Variants in ART3 observed in about 807,000 individuals in gnomAD.
The protein encoded by ART3 is ecto-ADP-ribosyltransferase 3.
Under a neutral mutation model 48.5 loss-of-function variants are expected in ART3, and 49 were observed. The observed-to-expected ratio is 1.01, with a 90% CI of 0.80 to 1.28. The LOEUF is 1.28. Among genes scored for constraint, ART3 ranks in the 50% most tolerant of loss-of-function variants. The pLI is 0.00. For synonymous variants in ART3, 145 were observed against 157.2 expected, an observed-to-expected ratio of 0.92 and a Z score of 0.58; for missense variants, 438 against 454.3, an observed-to-expected ratio of 0.96 and a Z score of 0.33.
At chr4:76,059,611 G>GAAAATT (rs1719012576) in intron 1 of ART3, among the ~76,000 whole-genome samples, 1 of 151,916 alleles carries the variant, frequency 6.6e-6, no homozygotes, top group South Asian at 2.1e-4. Context: ...CTCCTTGTAG[G>GAAAATT]TAGCTTAAAG....
rs118186536 is a variant in ART3 at position 76,049,733 on chromosome 4, C to T, written c.-9-26148C>T. Among the ~76,000 whole-genome samples the T allele has an allele frequency of 1.1e-3, 167 of 151,916 alleles. 3 individuals are homozygous for T. The East Asian group carries it at 0.02, about 19-fold the overall frequency. ...GATAGGCGATTGTCTCACCGCTCGG[C>T]GATAGGCGATGGTCTTACCGCTCGG... On this transcript the variant is annotated intron_variant, in intron 1 of 9. Coordinates refer to the ART3 transcript ENST00000341029.
intron 1 of ART3, chr4:76,058,748 A>G (rs893683615): frequency 1.3e-5 from 2 of 151,984 alleles, no homozygotes; most frequent in African/African-American, 2.4e-5. Flanking sequence ...TTTTCTGTGC[A>G]TTGAATTAAA....
At chr4:76,017,113 C>T (rs1244409729) in intron 1 of ART3, among the ~76,000 whole-genome samples, 1 of 152,150 alleles carries the variant, frequency 6.6e-6, no homozygotes, top group Non-Finnish European at 1.5e-5. Context: ...GTCTCCTTTA[C>T]TTTTCCTTCT....
intron 2 of ART3, 115 bp from the exon 3 acceptor site, chr4:76,081,709 A>G: frequency 1.8e-6 from 2 of 1,081,276 alleles, no homozygotes; most frequent in Non-Finnish European, 1.4e-6. Context: ...AAAATTGGTT[A>G]TAAGTCAGGC....
intron 3 of ART3, among the ~76,000 whole-genome samples, chr4:76,092,544 C>G (rs1725127705): frequency 6.6e-6 from 1 of 152,214 alleles, no homozygotes; most frequent in Non-Finnish European, 1.5e-5. Flanking sequence ...CTGCTCCCCA[C>G]TGGCTGCTTT....
upstream of ART3, among the ~76,000 whole-genome samples, chr4:76,070,622 C>A (rs1328927307): frequency 2.6e-5 from 4 of 152,184 alleles, no homozygotes; most frequent in Non-Finnish European, 1.5e-5. Flanking sequence ...GAGAAAAATA[C>A]AACCATCTTA....
chr4:76,107,664 C>T (rs775316687), intron 10 of ART3, 97 bp from the exon 11 acceptor site: 12 of 816,008 alleles, frequency 1.5e-5, no homozygotes, highest in Non-Finnish European at 2.4e-5. Flanking sequence ...GACCCACTCA[C>T]AGAGATAACC....
At chr4:76,089,654 A>G (rs1193150006) in intron 3 of ART3, among the ~76,000 whole-genome samples, 1 of 152,194 alleles carries the variant, frequency 6.6e-6, no homozygotes, top group Non-Finnish European at 1.5e-5. Flanking sequence ...GCAGTGGGAG[A>G]ACAGATATAT....
chr4:76,057,435 T>C (rs1718797914), intron 1 of ART3, among the ~76,000 whole-genome samples: 1 of 152,190 alleles, frequency 6.6e-6, no homozygotes, highest in African/African-American at 2.4e-5. Context: ...ATAAAAGATG[T>C]TAATATTAGG....
chr4:76,094,863 G>A (rs1358773216), intron 3 of ART3, among the ~76,000 whole-genome samples: 1 of 152,070 alleles, frequency 6.6e-6, no homozygotes, highest in Non-Finnish European at 1.5e-5. Context: ...AATTATCTTG[G>A]TATATTCTTT....
intron 2 of ART3, 106 bp from the exon 3 acceptor site, chr4:76,081,718 G>T: frequency 8.3e-7 from 1 of 1,211,334 alleles, no homozygotes; most frequent in Non-Finnish European, 1.2e-6. Flanking sequence ...TATAAGTCAG[G>T]CGAGAATTTT....
chr4:76,104,274 T>C, intron 9 of ART3: 2 of 869,534 alleles, frequency 2.3e-6, no homozygotes, highest in Non-Finnish European at 2.8e-6. Context: ...CAGCTAAAGT[T>C]ATTCAATAGA....
intron 3 of ART3, among the ~76,000 whole-genome samples, chr4:76,093,716 T>C (rs1725415812): frequency 6.6e-6 from 1 of 152,340 alleles, no homozygotes; most frequent in Admixed American, 6.5e-5. Flanking sequence ...TACCACAGTA[T>C]GTCAAGTTTG....
intron 1 of ART3, chr4:76,036,030 C>G (rs1201361467): frequency 1.9e-6 from 3 of 1,586,512 alleles, no homozygotes; most frequent in Non-Finnish European, 2.6e-6. Flanking sequence ...GCTGCTACTT[C>G]AGCTTTGCTG....
upstream of ART3, among the ~76,000 whole-genome samples, chr4:76,071,082 G>T (rs1368777980): frequency 1.3e-5 from 2 of 151,994 alleles, no homozygotes; most frequent in East Asian, 1.9e-4. Flanking sequence ...AAGCACAGTG[G>T]CTCATGCCTA....
Position 76,108,168 on chromosome 4 carries a change from C to T in ART3, c.1036+375C>T, listed in dbSNP as rs150318793. On this transcript the variant is annotated intron_variant, in intron 11 of 11. Transcript: ENST00000355810. ...TATTTTATAAAGTCCTTATATTATC[C>T]AGAAAGAAGATCCATAGATGAGATG... Among the ~76,000 whole-genome samples, 522 of 151,318 alleles carry T rather than the reference C, an allele frequency of 3.4e-3. 5 individuals are homozygous for T. Among genetic ancestry groups the T allele is most frequent in the African/African-American group, 0.012 (502 of 41,298 alleles).
chr4:76,106,398 GATTT>G (rs1728478722), intron 10 of ART3: 3 of 980,146 alleles, frequency 3.1e-6, no homozygotes, highest in South Asian at 4.7e-5. Context: ...AGTTAGGACA[GATTT>G]ATTTTAGAGA....
chr4:76,088,787 C>G (rs1724183542), intron 3 of ART3, among the ~76,000 whole-genome samples: 1 of 152,108 alleles, frequency 6.6e-6, no homozygotes, highest in South Asian at 2.1e-4. Context: ...ATAGCAAATT[C>G]ACCAGGCTGC....
In ART3 at chr4:76,034,636, T is replaced by C. The variant is rs1734179581; in HGVS notation, c.-10+23316T>C. The C allele has an allele frequency of 3.1e-5, 21 of 670,544 alleles. No homozygotes were observed. In the South Asian group the frequency reaches 3.6e-4, roughly 11 times the overall value. The allele number at this position is 670,544 out of a possible 1,614,324, so 41.5% of individuals were successfully genotyped here. ...TGTTTTTGGTCCTTTCACCCACCTT[T>C]CATCCTTCACATAACTGTACAAAAG... On this transcript the variant is annotated intron_variant, in intron 1 of 9. Coordinates refer to the ART3 transcript ENST00000341029.
Sources: gnomAD v4.1 joint callset for allele counts (sites outside exome capture counted in the v4.1 genomes callset) on GRCh38, gnomAD v4.1.1 for gene constraint, MANE v1.5 for transcripts, NCBI Gene and HGNC (gene_info 2026-07-23, HGNC 2026-07-21) for gene names.